The following SPTLC1 variants were observed in gnomAD, a reference collection of about 807,000 sequenced individuals.
SPTLC1 encodes serine palmitoyltransferase 1.
In SPTLC1, 55 loss-of-function variants were observed where a neutral mutation model predicts 68.9. That is an observed-to-expected ratio of 0.80 (90% CI 0.64 to 1.00). The LOEUF (loss-of-function observed/expected upper bound fraction) is 1.00, where lower values mean the gene tolerates loss of function less well. Ranked by LOEUF, SPTLC1 falls within the 50% of genes least tolerant of loss-of-function variation. SPTLC1 has a pLI of 0.00. For missense variants in SPTLC1, 449 were observed against 573.1 expected (o/e 0.78, Z 2.21); for synonymous variants, 197 against 201.6 (o/e 0.98, Z 0.19).
chr9:92,062,600 A>T (rs1369172274), intron 6 of SPTLC1, among the ~76,000 whole-genome samples: 1 of 152,184 alleles, frequency 6.6e-6, no homozygotes, highest in Non-Finnish European at 1.5e-5. Context: ...ATTAGCCATA[A>T]ACCAAACTAC....
intron 3 of SPTLC1, among the ~76,000 whole-genome samples, chr9:92,081,997 CAG>C (rs1042752898): frequency 2.0e-5 from 3 of 152,130 alleles, no homozygotes; most frequent in African/African-American, 4.8e-5. Flanking sequence ...CAAGAAGACT[CAG>C]TGAAAAAACC....
intron 10 of SPTLC1, 143 bp downstream of exon 10, chr9:92,047,468 ATT>A: frequency 1.3e-6 from 1 of 741,678 alleles, no homozygotes; most frequent in Non-Finnish European, 2.3e-6. Flanking sequence ...AAATAGAAAT[ATT>A]TTGAGTGATT....
At chr9:92,045,853 A>G in intron 12 of SPTLC1, 146 bp downstream of exon 12, 1 of 685,352 alleles carries the variant, frequency 1.5e-6, no homozygotes, top group South Asian at 1.8e-5. Context: ...TTTTACACAA[A>G]TAAACCAATG....
At chr9:92,076,567 T>C (rs1157566732) in intron 5 of SPTLC1, among the ~76,000 whole-genome samples, 2 of 152,208 alleles carry the variant, frequency 1.3e-5, no homozygotes, top group East Asian at 1.9e-4. Flanking sequence ...ACCACTTCCA[T>C]GTAGGATATA....
chr9:92,075,276 C>G (rs554692596), intron 5 of SPTLC1, among the ~76,000 whole-genome samples: 1 of 152,152 alleles, frequency 6.6e-6, no homozygotes, highest in East Asian at 1.9e-4. Flanking sequence ...CAATCCCCAC[C>G]ACCAAACAAC....
intron 13 of SPTLC1, among the ~76,000 whole-genome samples, chr9:92,035,783 G>T (rs138235055): frequency 6.6e-6 from 1 of 152,196 alleles, no homozygotes; most frequent in Non-Finnish European, 1.5e-5. Flanking sequence ...CGTAGGCTGC[G>T]AGGAAGAGAT....
intron 6 of SPTLC1, among the ~76,000 whole-genome samples, chr9:92,060,791 T>C (rs1214167708): frequency 6.8e-6 from 1 of 147,256 alleles, no homozygotes; most frequent in Non-Finnish European, 1.5e-5. Flanking sequence ...TGGGTGCCTG[T>C]AGTCCGGGTT....
At chr9:92,079,782 C>T (rs1310043418) in intron 5 of SPTLC1, 1 of 648,376 alleles carries the variant, frequency 1.5e-6, no homozygotes, top group Non-Finnish European at 2.8e-6. Flanking sequence ...CTGCAATCCC[C>T]ACACATGCAC....
chr9:92,081,855 A>G (rs1383363286), intron 3 of SPTLC1, among the ~76,000 whole-genome samples: 2 of 152,204 alleles, frequency 1.3e-5, no homozygotes, highest in Non-Finnish European at 2.9e-5. Context: ...AAAATGGAGA[A>G]ACACTATTCT....
At chr9:92,050,939 A>T (rs1289621205) in intron 8 of SPTLC1, 1 of 972,042 alleles carries the variant, frequency 1.0e-6, no homozygotes, top group Non-Finnish European at 1.2e-6. Flanking sequence ...CCGCCACCCA[A>T]AGTGTTGGGA....
intron 12 of SPTLC1, among the ~76,000 whole-genome samples, chr9:92,039,972 C>G (rs1833283359): frequency 6.6e-6 from 1 of 152,146 alleles, no homozygotes. Flanking sequence ...AGAAACTAAG[C>G]AATACACTTT....
At chr9:92,088,558 A>C (rs908414796) in intron 3 of SPTLC1, among the ~76,000 whole-genome samples, 1 of 152,220 alleles carries the variant, frequency 6.6e-6, no homozygotes, top group Non-Finnish European at 1.5e-5. Context: ...TAAAAACAAA[A>C]AACAAACAAC....
chr9:92,113,192 A>T (rs1836309681), intron 1 of SPTLC1, among the ~76,000 whole-genome samples: 1 of 152,228 alleles, frequency 6.6e-6, no homozygotes, highest in Non-Finnish European at 1.5e-5. Flanking sequence ...TTTTGGGTAC[A>T]CTATACAAGA....
intron 1 of SPTLC1, 115 bp downstream of exon 1, chr9:92,115,199 G>A (rs1041539756): frequency 9.9e-7 from 1 of 1,010,344 alleles, no homozygotes; most frequent in Non-Finnish European, 1.5e-6. Context: ...GAGGCACCGA[G>A]TCTGGGCGTG....
intron 3 of SPTLC1, among the ~76,000 whole-genome samples, chr9:92,089,438 G>T (rs1021291280): frequency 6.6e-6 from 1 of 151,920 alleles, no homozygotes. Flanking sequence ...AAAAGGACAG[G>T]CTAACTTGCT....
chr9:92,071,459 A>T (rs575191830), intron 5 of SPTLC1, among the ~76,000 whole-genome samples: 7 of 152,338 alleles, frequency 4.6e-5, no homozygotes, highest in Admixed American at 2.0e-4. Context: ...TTTCTTCTTA[A>T]GAGTATAAGT....
In SPTLC1 at chr9:92,046,051, T is replaced by C. The variant is rs1282838680; in HGVS notation, c.1084A>G (p.Ile362Val). 3.7e-6 allele frequency: 6 copies of C among 1,612,844 alleles called. No individual in the cohort carries two copies. Among genetic ancestry groups the C allele is most frequent in the African/African-American group, 1.3e-5 (1 of 75,014 alleles). ...CACTTTTCCTTCAACACTGCAAAAA[T>C]ACCTAGATGAAAAAAATACGTTTGA... is the stretch of plus-strand genomic sequence containing the variant. Reference protein sequence around the residue: ...ALNIMEENPGIFAVLKEKCGQ... With the variant: ...ALNIMEENPGVFAVLKEKCGQ... The change falls in exon 12 of 15, where the codon ATT becomes GTT. Residue 362 changes from isoleucine to valine, a missense_variant and splice_region_variant. Physicochemically the swap from Ile to Val is conservative, Grantham distance 29. Coordinates refer to ENST00000262554, the MANE Select transcript of SPTLC1 (RefSeq NM_006415.4).
intron 3 of SPTLC1, among the ~76,000 whole-genome samples, chr9:92,095,916 G>A (rs910785669): frequency 3.3e-5 from 5 of 152,212 alleles, no homozygotes; most frequent in African/African-American, 1.2e-4. Flanking sequence ...GACAACAGGA[G>A]GACTGGCTGG....
intron 3 of SPTLC1, among the ~76,000 whole-genome samples, chr9:92,103,657 G>A (rs1012359426): frequency 2.0e-5 from 3 of 152,368 alleles, no homozygotes; most frequent in Non-Finnish European, 2.9e-5. Context: ...GGAAACCTGC[G>A]AAGCAAGGCT....
Sources: allele counts gnomAD v4.1 joint callset (sites outside exome capture counted in the v4.1 genomes callset), GRCh38; gene constraint gnomAD v4.1.1; transcripts MANE v1.5; gene names NCBI Gene and HGNC (gene_info 2026-07-23, HGNC 2026-07-21).